HFM1: variants seen among roughly 807,000 people sequenced by gnomAD.
HFM1 encodes the protein helicase for meiosis 1.
A neutral mutation model predicts 192.1 loss-of-function variants in HFM1; 169 were observed. That is an observed-to-expected ratio of 0.88 (90% CI 0.78 to 1.00). The LOEUF (loss-of-function observed/expected upper bound fraction) is 1.00, where lower values mean the gene tolerates loss of function less well. Ranked by LOEUF, HFM1 falls within the 50% of genes least tolerant of loss-of-function variation. The pLI is 0.00. For synonymous variants in HFM1, 525 were observed against 537.8 expected (o/e 0.98, Z 0.33); for missense variants, 1,661 against 1,668.0 (o/e 1.00, Z 0.07).
chr1:91,340,148 G>T (rs974641495), intron 20 of HFM1, among the ~76,000 whole-genome samples: 9 of 152,084 alleles, frequency 5.9e-5, no homozygotes, highest in Non-Finnish European at 1.0e-4. Flanking sequence ...CGGGACTATA[G>T]ACACATGCCA....
At chr1:91,363,914 C>T (rs1440807119) in intron 13 of HFM1, among the ~76,000 whole-genome samples, 1 of 152,098 alleles carries the variant, frequency 6.6e-6, no homozygotes, top group Admixed American at 6.6e-5. Flanking sequence ...AAGCCATTAT[C>T]CTCAGCAAAC....
At chr1:91,342,359 G>A (rs1655483725) in intron 20 of HFM1, among the ~76,000 whole-genome samples, 1 of 152,080 alleles carries the variant, frequency 6.6e-6, no homozygotes, top group South Asian at 2.1e-4. Flanking sequence ...AACATGTACA[G>A]GAAGAATTCT....
In HFM1 at chr1:91,394,363, T is replaced by C. The variant is rs1571231474; in HGVS notation, c.224A>G (p.Lys75Arg). The change falls in exon 4 of 39, where the codon AAG becomes AGG. Residue 75 changes from lysine to arginine, a missense_variant. Physicochemically the swap from Lys to Arg is conservative, Grantham distance 26. Transcript: ENST00000370425. ...ATAATTTGTATCTTCATTAGTTATC[T>C]TTAAATTTGATGTTAACATTTTTGG... ...KRPKMLTSNL[K>R]ITNEDTNYIS... 3.8e-6 allele frequency: 6 copies of C among 1,562,516 alleles called. No individual in the cohort carries two copies. In the African/African-American group the frequency reaches 4.1e-5, roughly 11 times the overall value.
At chr1:91,329,826 G>C (rs1227702621) in intron 20 of HFM1, among the ~76,000 whole-genome samples, 2 of 152,222 alleles carry the variant, frequency 1.3e-5, no homozygotes, top group Non-Finnish European at 2.9e-5. Flanking sequence ...TTGGAGAAGA[G>C]AGAGGGAGAT....
chr1:91,287,235 T>G (rs1312531459), intron 30 of HFM1, among the ~76,000 whole-genome samples: 3 of 152,212 alleles, frequency 2.0e-5, no homozygotes, highest in African/African-American at 7.2e-5. Flanking sequence ...AAGACAGCAG[T>G]AACCTCTGCA....
chr1:91,316,240 AAATATTTTTTAGAAT>A, intron 26 of HFM1, 56 bp from the exon 27 acceptor site: 2 of 1,186,928 alleles, frequency 1.7e-6, no homozygotes, highest in Admixed American at 2.3e-5. Flanking sequence ...TCTTTTAGTA[AAATATTTTTTAGAAT>A]AAATAGCTTT....
At chr1:91,353,179 C>T in intron 14 of HFM1, 27 bp from the exon 15 acceptor site, 1 of 1,560,354 alleles carries the variant, frequency 6.4e-7, no homozygotes, top group South Asian at 1.1e-5. Flanking sequence ...TCAGCTGTTA[C>T]TATTAATATT....
In HFM1 at chr1:91,324,609, T is replaced by C. The variant is rs1652607069; in HGVS notation, c.2427+66A>G. 4 of 747,882 alleles carry C rather than the reference T, an allele frequency of 5.3e-6. No homozygotes were observed. The East Asian group carries it at 7.9e-5, about 15-fold the overall frequency. The allele number at this position is 747,882 out of a possible 1,614,324, so 46.3% of individuals were successfully genotyped here. On this transcript the variant is annotated intron_variant, in intron 21 of 38. Transcript: ENST00000370425. ...AAATTATATGAGATACACAAATTAGTTGTTTCTCAAATATTATTTTATACT... is the reference window on the plus strand; with the variant it reads ...AAATTATATGAGATACACAAATTAGCTGTTTCTCAAATATTATTTTATACT...
At chr1:91,309,934 A>T (rs1379752858) in intron 30 of HFM1, among the ~76,000 whole-genome samples, 5 of 150,628 alleles carry the variant, frequency 3.3e-5, no homozygotes, top group African/African-American at 9.8e-5. Context: ...ACTATCATTT[A>T]AAAAAAAAGG....
intron 30 of HFM1, among the ~76,000 whole-genome samples, chr1:91,301,363 G>T (rs1157948642): frequency 1.4e-5 from 2 of 138,708 alleles, no homozygotes; most frequent in South Asian, 2.6e-4. Flanking sequence ...ACTGCCCAAG[G>T]TAATTTATAG....
rs1466249451 is a variant in HFM1, at chr1:91,361,739, G to C, written c.1686-8440C>G. On this transcript the variant is annotated intron_variant, in intron 13 of 38. Transcript: ENST00000370425. ...CATCCTGATACCAAAACCTGGTGGA[G>C]ATACAACAAAAAAGGAAAACGTCAG... is the stretch of plus-strand genomic sequence containing the variant. Among the ~76,000 whole-genome samples the C allele has an allele frequency of 2.0e-5, 3 of 152,080 alleles. No individual in the cohort carries two copies. In the South Asian group the frequency reaches 6.2e-4, roughly 31 times the overall value.
chr1:91,357,676 A>G (rs910230615), intron 13 of HFM1, among the ~76,000 whole-genome samples: 1 of 152,222 alleles, frequency 6.6e-6, no homozygotes, highest in Non-Finnish European at 1.5e-5. Flanking sequence ...CTTTATTTGC[A>G]GACAACATTA....
At chr1:91,390,655 A>G (rs1662854925) in intron 4 of HFM1, among the ~76,000 whole-genome samples, 1 of 152,192 alleles carries the variant, frequency 6.6e-6, no homozygotes, top group Admixed American at 6.5e-5. Flanking sequence ...ATCATACTGA[A>G]TGGGCAAAAA....
chr1:91,406,192 G>T (rs532244410), upstream of HFM1, among the ~76,000 whole-genome samples: 3 of 152,188 alleles, frequency 2.0e-5, no homozygotes, highest in Non-Finnish European at 4.4e-5. Context: ...GCCAAATACC[G>T]GATCTGCCTG....
At chr1:91,340,023 T>C (rs1386202959) in intron 20 of HFM1, among the ~76,000 whole-genome samples, 4 of 152,148 alleles carry the variant, frequency 2.6e-5, no homozygotes, top group Admixed American at 6.6e-5. Context: ...AAGCATTTTT[T>C]TTGACAGGGT....
intron 6 of HFM1, among the ~76,000 whole-genome samples, chr1:91,383,758 T>C (rs1035661897): frequency 6.6e-6 from 1 of 152,178 alleles, no homozygotes; most frequent in Non-Finnish European, 1.5e-5. Flanking sequence ...GTTTAAATGA[T>C]ATTTGAACTG....
Position 91,380,232 on chromosome 1 carries a change from A to G in HFM1, c.878T>C (p.Leu293Pro), listed in dbSNP as rs1201974149. 14 of 1,532,478 alleles carry G rather than the reference A, an allele frequency of 9.1e-6. No individual in the cohort carries two copies. The highest frequency in any genetic ancestry group is 1.1e-5 in the Non-Finnish European group (13 of 1,137,962). The allele number at this position is 1,532,478 out of a possible 1,614,324, so 94.9% of individuals were successfully genotyped here. Reference protein sequence around the residue: ...YIQSKAFDDLLYTDRNFVICA... With the variant: ...YIQSKAFDDLPYTDRNFVICA... ...AATCACAAAATTCCTATCTGTGTAA[A>G]GAAGCTAAAAAATAAAAAGTAATCA... Residue 293 changes from leucine to proline, a missense_variant, in exon 8 of 39, where the codon CTT (leucine) becomes CCT (proline). Coordinates refer to ENST00000370425, the MANE Select transcript of HFM1 (RefSeq NM_001017975.6).
At chr1:91,394,449 A>G in intron 3 of HFM1, 47 bp from the exon 4 acceptor site, 1 of 1,097,300 alleles carries the variant, frequency 9.1e-7, no homozygotes, top group Non-Finnish European at 1.3e-6. Context: ...CCATTAAAGG[A>G]AATTTTCAAA....
At chr1:91,352,247 T>G (rs1391560024) in intron 16 of HFM1, among the ~76,000 whole-genome samples, 1 of 146,892 alleles carries the variant, frequency 6.8e-6, no homozygotes, top group Admixed American at 6.7e-5. Flanking sequence ...AAAAAAACAG[T>G]CAAAATCAAA....
Sources: gnomAD v4.1 joint callset for allele counts (sites outside exome capture counted in the v4.1 genomes callset) on GRCh38, gnomAD v4.1.1 for gene constraint, MANE v1.5 for transcripts, NCBI Gene and HGNC (gene_info 2026-07-23, HGNC 2026-07-21) for gene names.